Variants in UNC5D observed in about 807,000 individuals in gnomAD.
UNC5D encodes unc-5 netrin receptor D.
In UNC5D, 39 loss-of-function variants were observed where a neutral mutation model predicts 105.4. The ratio of observed to expected loss-of-function variants is 0.37; its 90% CI spans 0.29 to 0.48. UNC5D has a LOEUF of 0.48. Among genes scored for constraint, UNC5D ranks in the 20% least tolerant of loss-of-function variants. UNC5D has a pLI of 0.98. For missense variants in UNC5D, 991 were observed against 1,202.4 expected, an observed-to-expected ratio of 0.82 and a Z score of 2.60; for synonymous variants, 452 against 450.4, an observed-to-expected ratio of 1.00 and a Z score of -0.04.
intron 1 of UNC5D, among the ~76,000 whole-genome samples, chr8:35,384,300 C>A (rs1435229180): frequency 6.6e-6 from 1 of 151,988 alleles, no homozygotes; most frequent in African/African-American, 2.4e-5. Context: ...CTGTTTCCCA[C>A]GGTATTTAGA....
intron 1 of UNC5D, among the ~76,000 whole-genome samples, chr8:35,513,031 C>CT (rs1328532947): frequency 6.6e-6 from 1 of 151,174 alleles, no homozygotes; most frequent in East Asian, 2.0e-4. Flanking sequence ...CCTACCTGCC[C>CT]TCTCACGCCT....
intron 1 of UNC5D, among the ~76,000 whole-genome samples, chr8:35,287,093 C>A (rs867221900): frequency 1.3e-5 from 2 of 152,162 alleles, no homozygotes; most frequent in Non-Finnish European, 2.9e-5. Context: ...CTGCCAGCCA[C>A]CCCTCCAGAA....
chr8:35,363,215 T>G (rs1260167341), intron 1 of UNC5D, among the ~76,000 whole-genome samples: 1 of 152,108 alleles, frequency 6.6e-6, no homozygotes, highest in Non-Finnish European at 1.5e-5. Flanking sequence ...GGACTTACAG[T>G]TCCATGTGTC....
chr8:35,386,210 T>G (rs1176841251), intron 1 of UNC5D, among the ~76,000 whole-genome samples: 1 of 152,206 alleles, frequency 6.6e-6, no homozygotes, highest in Non-Finnish European at 1.5e-5. Flanking sequence ...GTCACTGATT[T>G]TTTTAAGCCA....
intron 1 of UNC5D, among the ~76,000 whole-genome samples, chr8:35,491,412 T>C (rs16884024): frequency 0.023 from 3,458 of 152,288 alleles, 135 homozygotes; most frequent in African/African-American, 0.079. Flanking sequence ...AATTAGATTA[T>C]ACCTGGCTTA....
At chr8:35,748,746 T>G (rs774700420) in intron 12 of UNC5D, 51 bp downstream of exon 12, 3 of 1,581,514 alleles carry the variant, frequency 1.9e-6, no homozygotes, top group Non-Finnish European at 2.6e-6. Flanking sequence ...GTTCCACCTA[T>G]GGGATATATT....
chr8:35,377,330 G>A (rs1424960439), intron 1 of UNC5D, among the ~76,000 whole-genome samples: 2 of 152,126 alleles, frequency 1.3e-5, no homozygotes, highest in African/African-American at 4.8e-5. Flanking sequence ...GGAAGTGCAG[G>A]TGTCCTATTT....
chr8:35,598,091 T>C (rs1819603215), intron 4 of UNC5D, among the ~76,000 whole-genome samples: 1 of 152,096 alleles, frequency 6.6e-6, no homozygotes, highest in Non-Finnish European at 1.5e-5. Context: ...CCATCTTTCT[T>C]AAAGGCTTAC....
intron 1 of UNC5D, among the ~76,000 whole-genome samples, chr8:35,483,057 C>A (rs1027893753): frequency 6.6e-5 from 10 of 151,932 alleles, no homozygotes; most frequent in Non-Finnish European, 1.3e-4. Flanking sequence ...CCTGCCTGGG[C>A]CTCCCAAAGT....
chr8:35,544,219 G>A (rs1223265284), intron 1 of UNC5D, among the ~76,000 whole-genome samples: 3 of 152,110 alleles, frequency 2.0e-5, no homozygotes, highest in African/African-American at 7.2e-5. Context: ...TTGACTTTCT[G>A]CTAACGGAGT....
At chr8:35,380,198 GGA>G (rs35266582) in intron 1 of UNC5D, among the ~76,000 whole-genome samples, 7,238 of 134,626 alleles carry the variant, frequency 0.054, 202 homozygotes, top group African/African-American at 0.086. Flanking sequence ...AGACCGAGAG[GGA>G]GAGAGAGAGA....
chr8:35,484,696 C>A (rs1466044979), intron 1 of UNC5D, among the ~76,000 whole-genome samples: 1 of 152,156 alleles, frequency 6.6e-6, no homozygotes, highest in African/African-American at 2.4e-5. Flanking sequence ...TTAAGACTCT[C>A]TTTGACTTAA....
intron 1 of UNC5D, among the ~76,000 whole-genome samples, chr8:35,302,621 A>G (rs1405363554): frequency 1.3e-5 from 2 of 152,194 alleles, no homozygotes; most frequent in Non-Finnish European, 2.9e-5. Flanking sequence ...AATGAGTTAA[A>G]TTTCTTTTAA....
chr8:35,677,708 G>C (rs59443839), intron 4 of UNC5D, among the ~76,000 whole-genome samples: 1 of 151,918 alleles, frequency 6.6e-6, no homozygotes, highest in African/African-American at 2.4e-5. Flanking sequence ...CTACTATGTT[G>C]ATTGTTTATA....
chr8:35,639,746 T>C (rs1822595504), intron 4 of UNC5D, among the ~76,000 whole-genome samples: 1 of 152,152 alleles, frequency 6.6e-6, no homozygotes, highest in African/African-American at 2.4e-5. Flanking sequence ...GTATTTTGAC[T>C]TCTTTTTTCT....
chr8:35,739,192 C>CACCTATTA (rs1563722613), intron 11 of UNC5D, among the ~76,000 whole-genome samples: 1 of 152,102 alleles, frequency 6.6e-6, no homozygotes, highest in African/African-American at 2.4e-5. Flanking sequence ...AGGGTTAATG[C>CACCTATTA]ACCTTTAGCT....
intron 1 of UNC5D, among the ~76,000 whole-genome samples, chr8:35,275,334 A>G (rs1805702535): frequency 6.6e-6 from 1 of 151,814 alleles, no homozygotes; most frequent in Admixed American, 6.6e-5. Context: ...AACAGATATC[A>G]CCATCTGTTA....
rs1423876781 is a variant in UNC5D, at chr8:35,603,077, C to T, written c.570+7420C>T. Among the ~76,000 whole-genome samples, 4 of 151,880 alleles carry T rather than the reference C, an allele frequency of 2.6e-5. No individual in the cohort carries two copies. In the South Asian group the frequency reaches 8.3e-4, roughly 32 times the overall value. ...CTGCTCTGATCTTAGTTATTTCTTG[C>T]CTTCTGTTAGCTTTTGAATGTGTTT... On this transcript the variant is annotated intron_variant, in intron 4 of 16. Transcript: ENST00000404895.
At chr8:35,780,479 C>T (rs1586635270) in intron 16 of UNC5D, among the ~76,000 whole-genome samples, 1 of 152,208 alleles carries the variant, frequency 6.6e-6, no homozygotes, top group East Asian at 1.9e-4. Flanking sequence ...GGAGGAAGGC[C>T]CCAAGGCAGC....
Sources: allele counts gnomAD v4.1 joint callset (sites outside exome capture counted in the v4.1 genomes callset), GRCh38; gene constraint gnomAD v4.1.1; transcripts MANE v1.5; gene names NCBI Gene and HGNC (gene_info 2026-07-23, HGNC 2026-07-21).